CRYBG2: variants seen among roughly 807,000 people sequenced by gnomAD.
CRYBG2 encodes the protein crystallin beta-gamma domain containing 2.
CRYBG2 carries 106 observed loss-of-function variants against 153.4 expected under a neutral mutation model. The observed-to-expected ratio is 0.69, with a 90% confidence interval of 0.59 to 0.81. The LOEUF is 0.81. Among genes scored for constraint, CRYBG2 ranks in the 30% least tolerant of loss-of-function variants. The probability of loss-of-function intolerance (pLI) is 0.00; values close to 1 mark genes in which losing one functional copy is unlikely to be tolerated. For synonymous variants in CRYBG2, 851 were observed against 877.8 expected (o/e 0.97, Z 0.54); for missense variants, 1,996 against 2,112.0 (o/e 0.95, Z 1.08).
At chr1:26,342,607 C>T (rs1413854446) in intron 5 of CRYBG2, 147 bp downstream of exon 5, 3 of 1,182,574 alleles carry the variant, frequency 2.5e-6, no homozygotes, top group Non-Finnish European at 3.5e-6. Context: ...ACATGTTGGC[C>T]AGGCTGGTCT....
In CRYBG2 at chr1:26,331,737, G is replaced by T. The variant is rs188782974; in HGVS notation, c.4185-119C>A. The stretch of plus-strand genomic sequence containing the variant: ...ATCATGATCCCCTGTCCCAGGGGAG[G>T]TGGGATGAACAGGCACTACAGCAGC... On this transcript the variant is annotated intron_variant, in intron 14 of 19. Transcript: ENST00000308182. The T allele has an allele frequency of 1.9e-3, 2,581 of 1,362,246 alleles. 5 individuals are homozygous for T. The highest frequency in any genetic ancestry group is 2.4e-3 in the Non-Finnish European group (2,400 of 990,450). The allele number at this position is 1,362,246 out of a possible 1,614,324, so 84.4% of individuals were successfully genotyped here. A position where few individuals can be genotyped will look rare whatever the true frequency, so the allele number is the denominator to read the frequency against.
rs1334608762 is a variant in CRYBG2, at chr1:26,343,813, G to A, written c.2845C>T (p.Pro949Ser). The change falls in exon 2 of 20, where the codon CCC (proline) becomes TCC (serine). Residue 949 changes from proline to serine, a missense_variant. Pro to Ser is a moderately conservative substitution (Grantham distance 74). Transcript: ENST00000308182. The surrounding 1 kb of genome is among the most constrained non-coding windows in gnomAD (Gnocchi z 4.1). ...GATGATCTTTCACTGCAAAGCAGGG[G>A]CAACTGTCCTGGCACCTTCCTGAGC... ...PGLRKVPGQL[P>S]LLCSERSSPT... is the part of the protein sequence containing the mutation. 4 of 1,454,800 alleles carry A rather than the reference G, an allele frequency of 2.7e-6. No individual in the cohort carries two copies. The allele number at this position is 1,454,800 out of a possible 1,614,324, so 90.1% of individuals were successfully genotyped here.
At position 26,343,800 on chromosome 1, in the gene CRYBG2, C is replaced by T; in HGVS notation, c.2858G>A (p.Ser953Asn). ...CTTCTCCGTTGGGGATGATCTTTCA[C>T]TGCAAAGCAGGGGCAACTGTCCTGG... is the stretch of plus-strand genomic sequence containing the variant. ...KVPGQLPLLC[S>N]ERSSPTEKLA... Residue 953 changes from serine (S) to asparagine (N), a missense_variant, in exon 2 of 20, where the codon AGT becomes AAT. Ser to Asn is a conservative substitution (Grantham distance 46). Transcript: ENST00000308182. This position sits in a 1 kb window ranked among gnomAD's most constrained non-coding sequence, Gnocchi z 4.1. 1.4e-6 allele frequency: 2 copies of T among 1,452,958 alleles called. No individual in the cohort carries two copies. Among genetic ancestry groups the T allele is most frequent in the Non-Finnish European group, 1.8e-6 (2 of 1,099,978 alleles). The allele number at this position is 1,452,958 out of a possible 1,614,324, so 90.0% of individuals were successfully genotyped here.
Position 26,336,215 on chromosome 1 carries a change from C to T in CRYBG2, c.4072-8G>A. 2.6e-6 allele frequency: 4 copies of T among 1,558,282 alleles called. No individual in the cohort carries two copies. Among genetic ancestry groups the T allele is most frequent in the Non-Finnish European group, 3.5e-6 (4 of 1,149,072 alleles). ...GCGGGAGAAAAGCTGAATCTGGAGG[C>T]AGAGAGGGGAGATGAGGGGAAGGAG... On this transcript the variant is annotated splice_region_variant and splice_polypyrimidine_tract_variant and intron_variant, in intron 13 of 19. Coordinates refer to ENST00000308182, the MANE Select transcript of CRYBG2 (RefSeq NM_001039775.4). This position sits in a 1 kb window ranked among gnomAD's most constrained non-coding sequence, Gnocchi z 4.9.
Position 26,322,239 on chromosome 1 carries a change from G to C in CRYBG2, c.4822C>G (p.Arg1608Gly). Residue 1608 changes from arginine (R) to glycine (G), a missense_variant, in exon 19 of 20, where the codon CGC (arginine) becomes GGC (glycine). Transcript: ENST00000308182. ...VVLWAESRLP[R>G]QTWSISESGH... ...GATTCACTGATGCTCCACGTCTGGC[G>C]CGGCAGGCGGCTCTCGGCCCACAGC... 1 of 1,614,094 alleles carries C rather than the reference G, an allele frequency of 6.2e-7. No individual in the cohort carries two copies. Among genetic ancestry groups the C allele is most frequent in the Non-Finnish European group, 8.5e-7 (1 of 1,180,024 alleles).
intron 6 of CRYBG2, 106 bp from the exon 7 acceptor site, chr1:26,338,583 A>G: frequency 1.5e-6 from 2 of 1,302,392 alleles, no homozygotes; most frequent in East Asian, 2.5e-5. Flanking sequence ...TTTTCTGGGG[A>G]GGTTCCCATC....
chr1:26,332,046 G>A (rs1350376749), intron 14 of CRYBG2, among the ~76,000 whole-genome samples: 7 of 152,266 alleles, frequency 4.6e-5, no homozygotes, highest in East Asian at 1.9e-4. Context: ...GGTGGCTCAC[G>A]CCTGTAATCC....
At chr1:26,337,077 G>A (rs2074069848) in intron 10 of CRYBG2, 97 bp from the exon 11 acceptor site, 1 of 1,568,826 alleles carries the variant, frequency 6.4e-7, no homozygotes, top group Non-Finnish European at 8.6e-7. Flanking sequence ...GGGAATTAGG[G>A]GTGAGGCTGT....
rs144682671 is a variant in CRYBG2, at chr1:26,353,178, C to A, written c.-56+858G>T. On this transcript the variant is annotated intron_variant, in intron 1 of 19. Transcript: ENST00000308182. The stretch of plus-strand genomic sequence containing the variant: ...ACTTTGAGCAAGTGACTTTCAGAGC[C>A]TCCTAGAATTAGGTGACAGGGGTTG... Among the ~76,000 whole-genome samples, 29 of 152,248 alleles carry A rather than the reference C, an allele frequency of 1.9e-4. No homozygotes were observed. In the East Asian group the frequency reaches 5.0e-3, roughly 26 times the overall value.
At chr1:26,331,750 G>T in intron 14 of CRYBG2, 132 bp from the exon 15 acceptor site, 1 of 1,212,258 alleles carries the variant, frequency 8.2e-7, no homozygotes, top group Non-Finnish European at 1.2e-6. Flanking sequence ...GGATGAACAG[G>T]CACTACAGCA....
intron 18 of CRYBG2, among the ~76,000 whole-genome samples, chr1:26,322,716 C>T (rs1044281232): frequency 1.3e-5 from 2 of 152,280 alleles, no homozygotes; most frequent in Non-Finnish European, 1.5e-5. Flanking sequence ...ACCTGCCCCA[C>T]GGTACTCTAG....
chr1:26,348,511 C>T (rs556156719), intron 1 of CRYBG2, among the ~76,000 whole-genome samples: 13 of 152,252 alleles, frequency 8.5e-5, no homozygotes, highest in African/African-American at 2.9e-4. Flanking sequence ...ATGATCGTGT[C>T]ACTGCACTCC....
In CRYBG2 at chr1:26,336,233, G is replaced by A. The variant is rs1171756382; in HGVS notation, c.4072-26C>T. ...CTGGAGGCAGAGAGGGGAGATGAGG[G>A]GAAGGAGGACGATGGAGTGGGGCCG... On this transcript the variant is annotated intron_variant, in intron 13 of 19. Transcript: ENST00000308182. The surrounding 1 kb of genome is among the most constrained non-coding windows in gnomAD (Gnocchi z 4.9). The A allele has an allele frequency of 1.9e-6, 3 of 1,572,332 alleles. No homozygotes were observed. Among genetic ancestry groups the A allele is most frequent in the East Asian group, 2.3e-5 (1 of 42,670 alleles).
chr1:26,332,168 G>A lies in CRYBG2; in HGVS notation c.4185-550C>T, dbSNP rs373240366. The stretch of plus-strand genomic sequence containing the variant: ...TAAAAATACAAAAGATTAGCCAGGC[G>A]TGGTGGCGGGCACCTGTAGTCCCAG... On this transcript the variant is annotated intron_variant, in intron 14 of 19. Transcript: ENST00000308182. Among the ~76,000 whole-genome samples, 103 of 151,988 alleles carry A rather than the reference G, an allele frequency of 6.8e-4. 1 individual carries two copies. Among genetic ancestry groups the A allele is most frequent in the East Asian group, 2.4e-3 (12 of 5,102 alleles).
chr1:26,339,551 C>T (rs1046039685), intron 5 of CRYBG2, 122 bp from the exon 6 acceptor site: 14 of 1,033,148 alleles, frequency 1.4e-5, no homozygotes, highest in Non-Finnish European at 2.0e-5. Flanking sequence ...AGTTCGAGAC[C>T]AGCTGACCAA....
At chr1:26,322,401 T>C in intron 18 of CRYBG2, 78 bp from the exon 19 acceptor site, 1 of 1,483,134 alleles carries the variant, frequency 6.7e-7, no homozygotes, top group East Asian at 2.3e-5. Flanking sequence ...TTGACCCATC[T>C]GCTCTGAATC....
intron 17 of CRYBG2, chr1:26,326,948 G>T: frequency 2.0e-6 from 1 of 489,854 alleles, no homozygotes. Context: ...AAATGTGTTC[G>T]TGGCAGGATC....
intron 17 of CRYBG2, chr1:26,326,760 C>A: frequency 2.2e-6 from 1 of 461,590 alleles, no homozygotes; most frequent in Non-Finnish European, 4.4e-6. Flanking sequence ...CTGTCCTGAG[C>A]CCCTCGTAAT....
At chr1:26,327,785 A>G (rs999827381) in intron 17 of CRYBG2, among the ~76,000 whole-genome samples, 12 of 152,082 alleles carry the variant, frequency 7.9e-5, no homozygotes, top group Non-Finnish European at 1.6e-4. Context: ...TGCCTCTACT[A>G]AAAATACAAA....
Sources: gnomAD v4.1 joint callset for allele counts (sites outside exome capture counted in the v4.1 genomes callset) on GRCh38, gnomAD v4.1.1 for gene constraint, Gnocchi (gnomAD v3.1) non-coding constraint, MANE v1.5 for transcripts, NCBI Gene and HGNC (gene_info 2026-07-23, HGNC 2026-07-21) for gene names.